ASPH: variants seen among roughly 807,000 people sequenced by gnomAD.
ASPH encodes aspartate beta-hydroxylase, also known as aspartyl/asparaginyl beta-hydroxylase.
In ASPH, 100 loss-of-function variants were observed where a neutral mutation model predicts 118.4. That is an observed-to-expected ratio of 0.84 (90% CI 0.72 to 1.00). The LOEUF (loss-of-function observed/expected upper bound fraction) is 1.00, where lower values mean the gene tolerates loss of function less well. Ranked by LOEUF, ASPH falls within the 50% of genes least tolerant of loss-of-function variation. The probability of loss-of-function intolerance (pLI) is 0.00; values close to 1 mark genes in which losing one functional copy is unlikely to be tolerated. For synonymous variants in ASPH, 315 were observed against 325.6 expected, an observed-to-expected ratio of 0.97 and a Z score of 0.35; for missense variants, 920 against 919.5, an observed-to-expected ratio of 1.00 and a Z score of -0.01.
intron 1 of ASPH, among the ~76,000 whole-genome samples, chr8:61,691,921 C>T (rs1226900201): frequency 6.6e-6 from 1 of 152,196 alleles, no homozygotes; most frequent in Non-Finnish European, 1.5e-5. Context: ...AGGGTTTCTT[C>T]TCCTCTCTTT....
rs567486920 is a variant in ASPH, at chr8:61,517,387, T to G, written c.2126+141A>C. ...AAAGCACCAAGAAGGGATATAGACT[T>G]AAGAGTTTGGATTAATATCACTTTG... On this transcript the variant is annotated intron_variant, in intron 24 of 24. Transcript: ENST00000379454. 8.4e-5 allele frequency: 104 copies of G among 1,241,646 alleles called. No individual in the cohort carries two copies. In the African/African-American group the frequency reaches 1.4e-3, roughly 17 times the overall value. 76.9% of individuals were successfully genotyped at this position (1,241,646 alleles called of 1,614,324 possible). A position where few individuals can be genotyped will look rare whatever the true frequency, so the allele number is the denominator to read the frequency against.
chr8:61,639,935 C>T (rs913731674), intron 10 of ASPH, among the ~76,000 whole-genome samples: 4 of 152,204 alleles, frequency 2.6e-5, no homozygotes. Context: ...CCCCCAGCTA[C>T]ACCCATGCAT....
intron 14 of ASPH, among the ~76,000 whole-genome samples, chr8:61,586,951 A>G (rs777430075): frequency 2.0e-4 from 31 of 152,224 alleles, no homozygotes; most frequent in Non-Finnish European, 4.6e-4. Flanking sequence ...AGGCTCTCAC[A>G]TGGAAGAACT....
At chr8:61,638,222 C>T (rs1245044757) in intron 11 of ASPH, 100 bp downstream of exon 11, 2 of 1,427,548 alleles carry the variant, frequency 1.4e-6, no homozygotes, top group African/African-American at 2.9e-5. Flanking sequence ...AAATGTCTTG[C>T]ATTTTTTCTA....
intron 13 of ASPH, among the ~76,000 whole-genome samples, chr8:61,619,713 C>T (rs2150508471): frequency 6.6e-6 from 1 of 152,278 alleles, no homozygotes; most frequent in South Asian, 2.1e-4. Context: ...ATGAGCTGAC[C>T]ATGTGTTTTT....
At chr8:61,574,871 A>C (rs1213943513) in intron 16 of ASPH, among the ~76,000 whole-genome samples, 3 of 151,900 alleles carry the variant, frequency 2.0e-5, no homozygotes, top group Admixed American at 6.6e-5. Context: ...AACAAAACCC[A>C]AAAAAACAAA....
intron 16 of ASPH, among the ~76,000 whole-genome samples, chr8:61,571,844 T>A (rs969977502): frequency 6.6e-6 from 1 of 152,332 alleles, no homozygotes; most frequent in African/African-American, 2.4e-5. Flanking sequence ...ATACTAGTGA[T>A]AAAAAACACT....
At chr8:61,569,147 C>T (rs1055913129) in intron 16 of ASPH, among the ~76,000 whole-genome samples, 5 of 152,058 alleles carry the variant, frequency 3.3e-5, no homozygotes, top group Non-Finnish European at 7.4e-5. Context: ...GTAGCAGCAT[C>T]AGGTGGAAAT....
chr8:61,646,768 G>A lies in ASPH; in HGVS notation c.601C>T (p.Pro201Ser), dbSNP rs1166606139. 3 of 1,613,330 alleles carry A rather than the reference G, an allele frequency of 1.9e-6. No individual in the cohort carries two copies. The highest frequency in any genetic ancestry group is 2.5e-6 in the Non-Finnish European group (3 of 1,179,616). ...GTTCTACCTTCATGAGATACTTCAG[G>A]TTCCAGGGTCTCAAATCTATCATCT... ...DVDDRFETLE[P>S]EVSHEETEHS... The change falls in exon 6 of 25, where the codon CCT becomes TCT. Residue 201 changes from proline (P) to serine (S), a missense_variant. Transcript: ENST00000379454.
intron 14 of ASPH, among the ~76,000 whole-genome samples, chr8:61,605,446 T>C (rs928702682): frequency 2.0e-5 from 3 of 152,212 alleles, no homozygotes; most frequent in African/African-American, 7.2e-5. Flanking sequence ...CCATGTTTTA[T>C]ACATGGGAGA....
intron 24 of ASPH, among the ~76,000 whole-genome samples, chr8:61,516,530 C>A (rs910031692): frequency 1.3e-5 from 2 of 152,128 alleles, no homozygotes; most frequent in African/African-American, 4.8e-5. Flanking sequence ...CTACTAAGAA[C>A]AATAAGAAAT....
At chr8:61,669,283 A>T (rs1422719934) in intron 3 of ASPH, among the ~76,000 whole-genome samples, 2 of 152,206 alleles carry the variant, frequency 1.3e-5, no homozygotes, top group Non-Finnish European at 2.9e-5. Flanking sequence ...TTCACTATTG[A>T]TAGCAATTTG....
intron 23 of ASPH, 68 bp downstream of exon 23, chr8:61,517,964 T>C (rs141224397): frequency 2.8e-6 from 4 of 1,451,802 alleles, no homozygotes; most frequent in Non-Finnish European, 3.8e-6. Context: ...ACCATTTCTT[T>C]GTAAAGGTCA....
At chr8:61,548,830 T>A (rs1239035489) in intron 20 of ASPH, among the ~76,000 whole-genome samples, 1 of 152,146 alleles carries the variant, frequency 6.6e-6, no homozygotes, top group Non-Finnish European at 1.5e-5. Context: ...TAATATATAT[T>A]TTTTTCTGCC....
chr8:61,685,609 G>C (rs1460710806), intron 1 of ASPH, among the ~76,000 whole-genome samples: 1 of 151,614 alleles, frequency 6.6e-6, no homozygotes, highest in Non-Finnish European at 1.5e-5. Flanking sequence ...AGAATATATT[G>C]CCAATATATT....
intron 14 of ASPH, among the ~76,000 whole-genome samples, chr8:61,609,665 T>G (rs1846700360): frequency 6.6e-6 from 1 of 152,200 alleles, no homozygotes; most frequent in Admixed American, 6.5e-5. Context: ...AATATATATT[T>G]GATTTTTAAG....
intron 1 of ASPH, among the ~76,000 whole-genome samples, chr8:61,709,053 A>C (rs967039700): frequency 6.6e-6 from 1 of 152,094 alleles, no homozygotes; most frequent in Non-Finnish European, 1.5e-5. Flanking sequence ...GTTATTCACC[A>C]AGGGAGCTCA....
chr8:61,712,323 C>T (rs1277466624), intron 1 of ASPH, among the ~76,000 whole-genome samples: 4 of 152,172 alleles, frequency 2.6e-5, no homozygotes, highest in African/African-American at 9.7e-5. Context: ...CGACACTGTA[C>T]TTTAACTGTT....
chr8:61,582,948 G>A (rs1838048262), intron 15 of ASPH: 1 of 152,108 alleles, frequency 6.6e-6, no homozygotes, highest in Non-Finnish European at 1.5e-5. Flanking sequence ...AAATATTTTT[G>A]CACCCGATGA....
Sources: allele counts gnomAD v4.1 joint callset (sites outside exome capture counted in the v4.1 genomes callset), GRCh38; gene constraint gnomAD v4.1.1; transcripts MANE v1.5; gene names NCBI Gene and HGNC (gene_info 2026-07-23, HGNC 2026-07-21).